PDGFD: variants seen among roughly 807,000 people sequenced by gnomAD.
PDGFD encodes platelet-derived growth factor D.
Under a neutral mutation model 44.7 loss-of-function variants are expected in PDGFD, and 30 were observed. The ratio of observed to expected loss-of-function variants is 0.67; its 90% CI spans 0.50 to 0.91. The LOEUF (loss-of-function observed/expected upper bound fraction) is 0.91, where lower values mean the gene tolerates loss of function less well. PDGFD is among the 40% of genes least tolerant of loss of function. PDGFD has a pLI of 0.00. For synonymous variants in PDGFD, 173 were observed against 168.4 expected (o/e 1.03, Z -0.21); for missense variants, 445 against 457.8 (o/e 0.97, Z 0.25).
rs115281441 is a variant in PDGFD at position 103,991,274 on chromosome 11, T to C, written c.510+4791A>G. On this transcript the variant is annotated intron_variant, in intron 3 of 6. Transcript: ENST00000393158. ...TAGAGTCTGCAAAAGTTATTATAAT[T>C]GATAATCTTATCTTTTTCAACCCCT... Among the ~76,000 whole-genome samples, 1,260 of 152,314 alleles carry C rather than the reference T, an allele frequency of 8.3e-3. 11 individuals are homozygous for C. Among genetic ancestry groups the C allele is most frequent in the African/African-American group, 0.029 (1,203 of 41,568 alleles).
intron 1 of PDGFD, among the ~76,000 whole-genome samples, chr11:104,119,513 TTAATATAATATATTGATATAATATA>T (rs1861725244): frequency 2.5e-5 from 1 of 39,748 alleles, no homozygotes; most frequent in African/African-American, 1.1e-4. Context: ...ATATAATATA[TTAATATAATATATTGATATAATATA>T]TAATATAATA....
chr11:103,975,577 C>G (rs1304615518), intron 3 of PDGFD, among the ~76,000 whole-genome samples: 1 of 152,102 alleles, frequency 6.6e-6, no homozygotes, highest in Non-Finnish European at 1.5e-5. Flanking sequence ...ATGCCCATGT[C>G]CTGAATGGTA....
At chr11:104,162,847 C>G (rs559044068) in intron 1 of PDGFD, among the ~76,000 whole-genome samples, 9 of 152,128 alleles carry the variant, frequency 5.9e-5, no homozygotes, top group Admixed American at 4.6e-4. Flanking sequence ...TTTAAGCAAG[C>G]AGGAGAGAAA....
Position 104,164,031 on chromosome 11 carries a change from T to C in PDGFD, c.-104A>G. On this transcript the variant is annotated 5_prime_UTR_variant, in exon 1 of 7. Coordinates refer to ENST00000393158, the MANE Select transcript of PDGFD (RefSeq NM_025208.5). ...GCGCTCTCGCCGCCTGCGCTCGCCC[T>C]GCGCTGGCCCGGGTCGCTGTGCTAA... The C allele has an allele frequency of 7.7e-7, 1 of 1,297,304 alleles. No homozygotes were observed. The highest frequency in any genetic ancestry group is 2.7e-5 in the Admixed American group (1 of 36,380). 80.4% of individuals were successfully genotyped at this position (1,297,304 alleles called of 1,614,324 possible).
chr11:103,991,351 C>T (rs1388368077), intron 3 of PDGFD, among the ~76,000 whole-genome samples: 1 of 151,986 alleles, frequency 6.6e-6, no homozygotes, highest in Non-Finnish European at 1.5e-5. Context: ...CATCTTCTTC[C>T]TTTTCTTCTT....
chr11:104,006,742 AGAGGAGACCTGCTGCTG>A (rs1210940297), intron 1 of PDGFD, among the ~76,000 whole-genome samples: 3 of 152,198 alleles, frequency 2.0e-5, no homozygotes, highest in Non-Finnish European at 4.4e-5. Context: ...GGGCGGCTAG[AGAGGAGACCTGCTGCTG>A]GACAGCCAAA....
chr11:103,918,701 C>T (rs1351543363), intron 6 of PDGFD, among the ~76,000 whole-genome samples: 1 of 152,134 alleles, frequency 6.6e-6, no homozygotes, highest in Admixed American at 6.6e-5. Context: ...CCAGACAAGA[C>T]AGGAGAGCAC....
chr11:104,028,415 CTCTTT>C (rs1401731965), intron 1 of PDGFD, among the ~76,000 whole-genome samples: 1 of 150,400 alleles, frequency 6.6e-6, no homozygotes, highest in African/African-American at 2.4e-5. Context: ...TGAATTTGTC[CTCTTT>C]TCTGTTTTTG....
At chr11:104,107,856 G>T (rs1861492946) in intron 1 of PDGFD, among the ~76,000 whole-genome samples, 1 of 152,068 alleles carries the variant, frequency 6.6e-6, no homozygotes, top group South Asian at 2.1e-4. Context: ...CTGTCACATA[G>T]TAAGCTCCAT....
chr11:103,971,086 T>G (rs1859096016), intron 3 of PDGFD, among the ~76,000 whole-genome samples: 1 of 152,216 alleles, frequency 6.6e-6, no homozygotes, highest in Admixed American at 6.5e-5. Context: ...TGTCTTCCAC[T>G]GTGAATATAT....
At chr11:104,107,185 G>A (rs916431941) in intron 1 of PDGFD, among the ~76,000 whole-genome samples, 2 of 152,170 alleles carry the variant, frequency 1.3e-5, no homozygotes, top group Non-Finnish European at 2.9e-5. Flanking sequence ...TCAGAAGGGA[G>A]ATTATCCCCA....
At chr11:103,933,507 G>A (rs1041071320) in intron 5 of PDGFD, among the ~76,000 whole-genome samples, 1 of 152,158 alleles carries the variant, frequency 6.6e-6, no homozygotes, top group Admixed American at 6.5e-5. Context: ...CCACATGTGG[G>A]TTTAACATCT....
At chr11:104,053,564 T>A (rs560982690) in intron 1 of PDGFD, among the ~76,000 whole-genome samples, 40 of 152,308 alleles carry the variant, frequency 2.6e-4, no homozygotes, top group African/African-American at 7.9e-4. Flanking sequence ...TAACTATAAA[T>A]TGCAGATAAA....
intron 1 of PDGFD, among the ~76,000 whole-genome samples, chr11:104,132,865 T>C (rs535868395): frequency 6.6e-6 from 1 of 152,294 alleles, no homozygotes; most frequent in Non-Finnish European, 1.5e-5. Context: ...ACAATTTGAC[T>C]GCAAAATATA....
At chr11:103,948,846 G>T (rs970584585) in intron 3 of PDGFD, among the ~76,000 whole-genome samples, 14 of 151,990 alleles carry the variant, frequency 9.2e-5, no homozygotes, top group African/African-American at 3.4e-4. Context: ...AGAGAGAACC[G>T]AGTCAAATGC....
At chr11:104,008,279 T>C (rs1049237431) in intron 1 of PDGFD, among the ~76,000 whole-genome samples, 45 of 151,448 alleles carry the variant, frequency 3.0e-4, no homozygotes, top group Non-Finnish European at 8.8e-5. Flanking sequence ...CTATGGGTAA[T>C]AGATAAGATT....
At chr11:104,061,341 C>T (rs1000371621) in intron 1 of PDGFD, among the ~76,000 whole-genome samples, 1 of 152,002 alleles carries the variant, frequency 6.6e-6, no homozygotes, top group Non-Finnish European at 1.5e-5. Context: ...AAAACATGTA[C>T]TGAAAAAGCT....
chr11:103,989,423 G>A (rs1304443510), intron 3 of PDGFD, among the ~76,000 whole-genome samples: 1 of 152,234 alleles, frequency 6.6e-6, no homozygotes, highest in East Asian at 1.9e-4. Flanking sequence ...CAGGACAGCA[G>A]CATTCACCCA....
intron 1 of PDGFD, among the ~76,000 whole-genome samples, chr11:104,012,260 T>C (rs913550717): frequency 6.6e-6 from 1 of 152,190 alleles, no homozygotes; most frequent in African/African-American, 2.4e-5. Flanking sequence ...CAAATCATAA[T>C]AACACACACT....
Sources: allele counts gnomAD v4.1 joint callset (sites outside exome capture counted in the v4.1 genomes callset), GRCh38; gene constraint gnomAD v4.1.1; transcripts MANE v1.5; gene names NCBI Gene and HGNC (gene_info 2026-07-23, HGNC 2026-07-21).